The following CTNNA3 variants were observed in gnomAD, a reference collection of about 807,000 sequenced individuals.
The protein encoded by CTNNA3 is catenin alpha-3.
CTNNA3 carries 76 observed loss-of-function variants against 95.7 expected under a neutral mutation model. The observed-to-expected ratio is 0.79, with a 90% confidence interval of 0.66 to 0.96. The LOEUF is 0.96. Among genes scored for constraint, CTNNA3 ranks in the 40% least tolerant of loss-of-function variants. The pLI is 0.00. For missense variants in CTNNA3, 1,191 were observed against 1,089.8 expected, an observed-to-expected ratio of 1.09 and a Z score of -1.31; for synonymous variants, 431 against 374.4, an observed-to-expected ratio of 1.15 and a Z score of -1.74.
intron 12 of CTNNA3, among the ~76,000 whole-genome samples, chr10:66,363,994 T>C (rs1368043279): frequency 1.3e-5 from 2 of 152,150 alleles, no homozygotes; most frequent in African/African-American, 4.8e-5. Flanking sequence ...ACTGGTTAAG[T>C]AATTTGCCTA....
rs543986402 is a variant in CTNNA3, at chr10:67,001,097, T to C, written c.1047+179220A>G. 5.9e-5 allele frequency among the ~76,000 whole-genome samples: 9 copies of C among 151,772 alleles called. No individual in the cohort carries two copies. In the South Asian group the frequency reaches 1.7e-3, roughly 28 times the overall value. On this transcript the variant is annotated intron_variant, in intron 7 of 17. Transcript: ENST00000433211. ...GTGGGTGGATCATGAGGTCAGGAGA[T>C]CGAGACCATCCTGGCCAACATGATG...
intron 13 of CTNNA3, among the ~76,000 whole-genome samples, chr10:66,145,500 A>G (rs916582395): frequency 6.6e-6 from 1 of 152,188 alleles, no homozygotes; most frequent in African/African-American, 2.4e-5. Context: ...ATATCTCTAT[A>G]TATCATTTAT....
chr10:67,370,197 AT>A (rs1299233335), intron 5 of CTNNA3, among the ~76,000 whole-genome samples: 35 of 152,152 alleles, frequency 2.3e-4, no homozygotes, highest in Admixed American at 2.3e-3. Context: ...GTTACAAAAA[AT>A]AAGGCAGATC....
intron 7 of CTNNA3, among the ~76,000 whole-genome samples, chr10:66,919,195 GA>G (rs1846663299): frequency 6.9e-6 from 1 of 144,960 alleles, no homozygotes; most frequent in Non-Finnish European, 1.5e-5. Flanking sequence ...ACTCCAGAAA[GA>G]AAAAAATATT....
At chr10:67,121,675 C>T (rs1315165084) in intron 7 of CTNNA3, among the ~76,000 whole-genome samples, 1 of 151,900 alleles carries the variant, frequency 6.6e-6, no homozygotes, top group African/African-American at 2.4e-5. Flanking sequence ...CTCAAGTGTT[C>T]AGAGGGTCAA....
At chr10:66,211,988 T>A (rs867264111) in intron 13 of CTNNA3, among the ~76,000 whole-genome samples, 20,130 of 134,610 alleles carry the variant, frequency 0.15, 1,353 homozygotes, top group Admixed American at 0.23. Context: ...TTTGGGTTTT[T>A]TTTTTTTTTT....
At chr10:66,410,793 C>T (rs13376837) in intron 11 of CTNNA3, among the ~76,000 whole-genome samples, 20,505 of 152,210 alleles carry the variant, frequency 0.13, 1,773 homozygotes, top group African/African-American at 0.25. Flanking sequence ...ATGTACTGTT[C>T]GTGTTTGGAA....
At chr10:66,035,768 T>A (rs1419191009) in intron 15 of CTNNA3, among the ~76,000 whole-genome samples, 1 of 152,100 alleles carries the variant, frequency 6.6e-6, no homozygotes, top group Non-Finnish European at 1.5e-5. Flanking sequence ...AAGGCCTGGC[T>A]TATAGTGAGA....
intron 5 of CTNNA3, among the ~76,000 whole-genome samples, chr10:67,226,348 C>T (rs1864912543): frequency 6.6e-6 from 1 of 152,158 alleles, no homozygotes; most frequent in African/African-American, 2.4e-5. Flanking sequence ...GAGACCTAGA[C>T]ATCCAATTAC....
At chr10:66,163,261 G>A (rs367855975) in intron 13 of CTNNA3, among the ~76,000 whole-genome samples, 8 of 152,062 alleles carry the variant, frequency 5.3e-5, no homozygotes, top group South Asian at 4.2e-4. Flanking sequence ...ACAAAGTTCC[G>A]TTAGTGATTT....
At chr10:66,700,296 G>A (rs539997097) in intron 9 of CTNNA3, among the ~76,000 whole-genome samples, 5 of 152,162 alleles carry the variant, frequency 3.3e-5, no homozygotes, top group African/African-American at 7.2e-5. Context: ...AATTCATTTT[G>A]ACTTAATTTT....
intron 7 of CTNNA3, among the ~76,000 whole-genome samples, chr10:67,127,292 A>G (rs1448852051): frequency 1.3e-5 from 2 of 152,300 alleles, no homozygotes; most frequent in South Asian, 4.1e-4. Flanking sequence ...CTTATTATAC[A>G]CTTCATTTTT....
chr10:66,088,613 TA>T (rs11284456), intron 14 of CTNNA3, among the ~76,000 whole-genome samples: 16,190 of 151,678 alleles, frequency 0.11, 1,049 homozygotes, highest in Non-Finnish European at 0.15. Context: ...AATGCACTTT[TA>T]TAAAGGTTTT....
At chr10:66,395,021 TC>T (rs1461729796) in intron 11 of CTNNA3, among the ~76,000 whole-genome samples, 1 of 151,998 alleles carries the variant, frequency 6.6e-6, no homozygotes, top group East Asian at 1.9e-4. Flanking sequence ...ATTTATTTTT[TC>T]CCCTCAGAAT....
chr10:67,268,308 ATAAATTAAATTAAAT>A (rs200272425), intron 5 of CTNNA3, among the ~76,000 whole-genome samples: 59 of 126,930 alleles, frequency 4.6e-4, no homozygotes, highest in East Asian at 3.4e-3. Flanking sequence ...CTCTACAAAA[ATAAATTAAATTAAAT>A]TAAATTAAAT....
intron 7 of CTNNA3, among the ~76,000 whole-genome samples, chr10:66,915,589 G>C (rs1423083349): frequency 1.3e-5 from 2 of 151,740 alleles, no homozygotes; most frequent in Non-Finnish European, 2.9e-5. Flanking sequence ...AAATGGTGAA[G>C]TACTAGGTAC....
At chr10:67,180,964 C>A (rs1006064389) in intron 6 of CTNNA3, among the ~76,000 whole-genome samples, 3 of 152,108 alleles carry the variant, frequency 2.0e-5, no homozygotes, top group African/African-American at 7.2e-5. Context: ...TGTATCTCAT[C>A]CTGACAGCAC....
chr10:66,949,045 A>G (rs1277126963), intron 7 of CTNNA3, among the ~76,000 whole-genome samples: 2 of 152,232 alleles, frequency 1.3e-5, no homozygotes, highest in Non-Finnish European at 2.9e-5. Flanking sequence ...TCTTGCAAAC[A>G]AATATAACAA....
At chr10:66,040,419 A>G (rs1295979640) in intron 15 of CTNNA3, among the ~76,000 whole-genome samples, 1 of 151,984 alleles carries the variant, frequency 6.6e-6, no homozygotes, top group Non-Finnish European at 1.5e-5. Flanking sequence ...GTAAAGATAG[A>G]TGCACGTGTA....
Sources: gnomAD v4.1 joint callset for allele counts (sites outside exome capture counted in the v4.1 genomes callset) on GRCh38, gnomAD v4.1.1 for gene constraint, MANE v1.5 for transcripts, NCBI Gene and HGNC (gene_info 2026-07-23, HGNC 2026-07-21) for gene names.